Variants in GRXCR2 observed in about 807,000 individuals in gnomAD.
GRXCR2 encodes the protein glutaredoxin and cysteine rich domain containing 2.
GRXCR2 carries 23 observed loss-of-function variants against 24.8 expected under a neutral mutation model. That is an observed-to-expected ratio of 0.93 (90% confidence interval 0.67 to 1.32). The LOEUF is 1.32. Among genes scored for constraint, GRXCR2 ranks in the 40% most tolerant of loss-of-function variants. The pLI is 0.00. For synonymous variants in GRXCR2, 130 were observed against 116.1 expected (o/e 1.12, Z -0.77); for missense variants, 315 against 303.4 (o/e 1.04, Z -0.28).
chr5:145,922,831 A>G (rs560144475), intron 2 of GRXCR2, among the ~76,000 whole-genome samples: 8 of 152,332 alleles, frequency 5.3e-5, no homozygotes, highest in African/African-American at 1.9e-4. Context: ...AACTCCCAGA[A>G]CTAGCCCTAG....
chr5:145,892,582 A>C (rs904299281), intron 2 of GRXCR2, among the ~76,000 whole-genome samples: 6 of 152,228 alleles, frequency 3.9e-5, no homozygotes, highest in African/African-American at 1.4e-4. Context: ...AGTTTAGAGA[A>C]AAAAGAATAA....
chr5:145,874,546 T>A (rs1434141648), upstream of GRXCR2, among the ~76,000 whole-genome samples: 2 of 152,142 alleles, frequency 1.3e-5, no homozygotes, highest in African/African-American at 4.8e-5. Context: ...CATCTACCCC[T>A]ATCACCCTGG....
intron 2 of GRXCR2, among the ~76,000 whole-genome samples, chr5:145,862,006 A>G (rs780546552): frequency 2.0e-5 from 3 of 152,228 alleles, no homozygotes; most frequent in African/African-American, 7.2e-5. Context: ...ATTTTAGTAT[A>G]TTAACAATGG....
At chr5:145,923,546 C>G (rs1461016448) in intron 2 of GRXCR2, among the ~76,000 whole-genome samples, 1 of 152,108 alleles carries the variant, frequency 6.6e-6, no homozygotes, top group African/African-American at 2.4e-5. Context: ...TTGGAAAATC[C>G]AAAGACCTGC....
intron 2 of GRXCR2, among the ~76,000 whole-genome samples, chr5:145,919,694 C>A (rs565608244): frequency 3.3e-5 from 5 of 152,254 alleles, no homozygotes; most frequent in African/African-American, 1.2e-4. Context: ...TGTCACCGTG[C>A]CCCTTATCTT....
At chr5:145,915,468 G>A (rs1022326054) in intron 2 of GRXCR2, among the ~76,000 whole-genome samples, 2 of 152,082 alleles carry the variant, frequency 1.3e-5, no homozygotes, top group African/African-American at 2.4e-5. Flanking sequence ...ACAACCTCAA[G>A]CCACTGAATC....
chr5:145,860,712 C>G (rs559601778), intron 2 of GRXCR2, among the ~76,000 whole-genome samples: 1 of 152,176 alleles, frequency 6.6e-6, no homozygotes, highest in South Asian at 2.1e-4. Flanking sequence ...TAGACTAGGA[C>G]TGAGGCTATT....
chr5:145,866,672 G>C lies in GRXCR2; in HGVS notation c.393C>G (p.Ile131Met). 6.2e-7 allele frequency: 1 copy of C among 1,613,708 alleles called. No homozygotes were observed. The highest frequency in any genetic ancestry group is 1.1e-5 in the South Asian group (1 of 91,076). ...KIIIYTNNLK[I>M]IRTPMDKRDF... ...CTCTCTTGTCCATTGGGGTTCGAAT[G>C]ATTTTCAGGTTATTAGTGTAGATGA... Residue 131 changes from isoleucine (I) to methionine (M), a missense_variant, in exon 2 of 3, where the codon ATC becomes ATG. Physicochemically the swap from Ile to Met is conservative, Grantham distance 10. Transcript: ENST00000377976.
At chr5:145,928,042 A>G (rs1297165034) in intron 2 of GRXCR2, among the ~76,000 whole-genome samples, 1 of 152,076 alleles carries the variant, frequency 6.6e-6, no homozygotes, top group Non-Finnish European at 1.5e-5. Context: ...CAATGAACTC[A>G]AACAAATTTA....
rs1208172981 is a variant in GRXCR2 at position 145,897,461 on chromosome 5, A to G, written c.-69-30733T>C. Among the ~76,000 whole-genome samples, 4 of 152,092 alleles carry G rather than the reference A, an allele frequency of 2.6e-5. No individual in the cohort carries two copies. In the East Asian group the frequency reaches 7.7e-4, roughly 29 times the overall value. On this transcript the variant is annotated intron_variant, in intron 2 of 3. Transcript: ENST00000639411. Reference sequence around the variant, plus strand: ...TGGACTTAAGCTCAACACTTGACCAACTGGACCCAATAGATATCTGCAGAA... The same window carrying G: ...TGGACTTAAGCTCAACACTTGACCAGCTGGACCCAATAGATATCTGCAGAA...
rs340037 is a variant in GRXCR2 at position 145,888,103 on chromosome 5, G to A, written c.-69-21375C>T. On this transcript the variant is annotated intron_variant, in intron 2 of 3. Transcript: ENST00000639411. ...AAGTGTTACTGAAAGCATGCATTAT[G>A]TCTGATGGATTAAGAGCCACTGCTC... is the stretch of plus-strand genomic sequence containing the variant. Among the ~76,000 whole-genome samples, 961 of 152,252 alleles carry A rather than the reference G, an allele frequency of 6.3e-3. 9 individuals carry two copies. The highest frequency in any genetic ancestry group is 0.022 in the African/African-American group (910 of 41,542).
At chr5:145,927,440 C>G (rs368305898) in intron 2 of GRXCR2, among the ~76,000 whole-genome samples, 1 of 151,964 alleles carries the variant, frequency 6.6e-6, no homozygotes, top group Non-Finnish European at 1.5e-5. Context: ...TAGCATGAAG[C>G]GTTGTTGAAT....
chr5:145,890,085 G>C (rs1187457006), intron 2 of GRXCR2, among the ~76,000 whole-genome samples: 1 of 152,112 alleles, frequency 6.6e-6, no homozygotes, highest in Admixed American at 6.6e-5. Flanking sequence ...AAAAGTTTTT[G>C]TTTTGTTTGT....
rs552011208 is a variant in GRXCR2, at chr5:145,895,319, C to T, written c.-69-28591G>A. Reference sequence around the variant, plus strand: ...GCAGGAGAAGGAAATAAAGAGTATTCGACTAGGAAAAAAGGAAGTCAAATT... The same window carrying T: ...GCAGGAGAAGGAAATAAAGAGTATTTGACTAGGAAAAAAGGAAGTCAAATT... On this transcript the variant is annotated intron_variant, in intron 2 of 3. Transcript: ENST00000639411. Among the ~76,000 whole-genome samples the T allele has an allele frequency of 9.5e-4, 144 of 151,950 alleles. 2 individuals are homozygous for T. The highest frequency in any genetic ancestry group is 6.8e-3 in the Middle Eastern group (2 of 294).
At chr5:145,880,922 C>A (rs1756690767) in intron 2 of GRXCR2, among the ~76,000 whole-genome samples, 1 of 152,110 alleles carries the variant, frequency 6.6e-6, no homozygotes. Context: ...GAACCAATGA[C>A]AAAAGATACA....
At chr5:145,901,260 C>G (rs1757018946) in intron 2 of GRXCR2, among the ~76,000 whole-genome samples, 1 of 151,380 alleles carries the variant, frequency 6.6e-6, no homozygotes, top group Non-Finnish European at 1.5e-5. Flanking sequence ...TATAATATAC[C>G]CAAGTATATT....
upstream of GRXCR2, among the ~76,000 whole-genome samples, chr5:145,876,191 G>GTATATATATATA (rs748811333): frequency 6.6e-3 from 691 of 105,112 alleles, 2 homozygotes; most frequent in African/African-American, 8.7e-3. Context: ...GTGTGTGTGT[G>GTATATATATATA]TATATATATA....
chr5:145,891,595 C>T (rs1317941975), intron 2 of GRXCR2, among the ~76,000 whole-genome samples: 1 of 152,238 alleles, frequency 6.6e-6, no homozygotes, highest in East Asian at 1.9e-4. Context: ...GAGGGGCGCC[C>T]GCCATTGCTG....
intron 2 of GRXCR2, among the ~76,000 whole-genome samples, chr5:145,926,820 G>T (rs374273252): frequency 3.9e-5 from 6 of 152,184 alleles, no homozygotes; most frequent in African/African-American, 1.2e-4. Context: ...ACCTTGGGCA[G>T]TATGGCCATT....
Sources: gnomAD v4.1 joint callset for allele counts (sites outside exome capture counted in the v4.1 genomes callset) on GRCh38, gnomAD v4.1.1 for gene constraint, MANE v1.5 for transcripts, NCBI Gene and HGNC (gene_info 2026-07-23, HGNC 2026-07-21) for gene names.